SLC24A3: variants seen among roughly 807,000 people sequenced by gnomAD.
SLC24A3 encodes sodium/potassium/calcium exchanger 3.
SLC24A3 carries 28 observed loss-of-function variants against 75.8 expected under a neutral mutation model. That is an observed-to-expected ratio of 0.37 (90% CI 0.27 to 0.51). The LOEUF is 0.51. SLC24A3 is among the 20% of genes least tolerant of loss of function. SLC24A3 has a pLI of 0.94. For missense variants in SLC24A3, 663 were observed against 847.8 expected, an observed-to-expected ratio of 0.78 and a Z score of 2.71; for synonymous variants, 372 against 334.1, an observed-to-expected ratio of 1.11 and a Z score of -1.24.
chr20:19,320,690 G>A (rs975769717), intron 2 of SLC24A3, among the ~76,000 whole-genome samples: 1 of 151,972 alleles, frequency 6.6e-6, no homozygotes, highest in Non-Finnish European at 1.5e-5. Context: ...TCCGAGGGTG[G>A]GTGCCCAAAT....
At chr20:19,502,106 T>A (rs1371578163) in intron 2 of SLC24A3, among the ~76,000 whole-genome samples, 3 of 152,084 alleles carry the variant, frequency 2.0e-5, no homozygotes, top group African/African-American at 7.2e-5. Context: ...GCCATAGCAG[T>A]TAGCTTTTCT....
chr20:19,510,612 G>A (rs769784622), intron 2 of SLC24A3, among the ~76,000 whole-genome samples: 3 of 152,186 alleles, frequency 2.0e-5, no homozygotes, highest in Non-Finnish European at 4.4e-5. Flanking sequence ...TCACATAAAG[G>A]TGTAAGAGTG....
intron 6 of SLC24A3, among the ~76,000 whole-genome samples, chr20:19,587,151 A>G (rs1005709445): frequency 6.6e-6 from 1 of 152,192 alleles, no homozygotes; most frequent in Admixed American, 6.5e-5. Flanking sequence ...TCTGGCTGTT[A>G]TTAGTGTTGT....
intron 3 of SLC24A3, among the ~76,000 whole-genome samples, chr20:19,545,915 T>C (rs958846861): frequency 6.6e-6 from 1 of 151,794 alleles, no homozygotes; most frequent in Non-Finnish European, 1.5e-5. Context: ...ATCCCAGCAC[T>C]TTGGGAGGCC....
At chr20:19,391,692 C>T (rs1213919625) in intron 2 of SLC24A3, among the ~76,000 whole-genome samples, 1 of 152,140 alleles carries the variant, frequency 6.6e-6, no homozygotes, top group African/African-American at 2.4e-5. Context: ...GCTATGCTGC[C>T]AGAGGGAGCA....
At chr20:19,618,142 A>G (rs2031760747) in intron 6 of SLC24A3, among the ~76,000 whole-genome samples, 1 of 152,170 alleles carries the variant, frequency 6.6e-6, no homozygotes, top group African/African-American at 2.4e-5. Context: ...GAAGAAGGTC[A>G]CTAGTGGGGA....
intron 10 of SLC24A3, 142 bp from the exon 11 acceptor site, chr20:19,684,034 T>A: frequency 1.2e-6 from 1 of 854,502 alleles, no homozygotes; most frequent in Non-Finnish European, 1.8e-6. Flanking sequence ...GAAAGAAGAG[T>A]GGATGAGTGG....
intron 2 of SLC24A3, among the ~76,000 whole-genome samples, chr20:19,409,260 G>A (rs1986703378): frequency 6.6e-6 from 1 of 152,188 alleles, no homozygotes; most frequent in South Asian, 2.1e-4. Context: ...AGCAGGAGCA[G>A]AGGCCCTGCA....
intron 2 of SLC24A3, among the ~76,000 whole-genome samples, chr20:19,426,364 C>T (rs566043208): frequency 1.3e-5 from 2 of 152,282 alleles, no homozygotes; most frequent in South Asian, 4.1e-4. Context: ...CCACTATGGG[C>T]GTACACTCAG....
intron 3 of SLC24A3, among the ~76,000 whole-genome samples, chr20:19,567,172 T>C (rs371247759): frequency 2.2e-4 from 34 of 152,318 alleles, no homozygotes; most frequent in African/African-American, 7.5e-4. Flanking sequence ...ATACCCAATA[T>C]ATAGAATAGT....
intron 6 of SLC24A3, among the ~76,000 whole-genome samples, chr20:19,623,684 T>C (rs910967182): frequency 7.2e-5 from 11 of 152,236 alleles, no homozygotes; most frequent in African/African-American, 2.4e-4. Flanking sequence ...GCACAAGTTA[T>C]AGACTATTTT....
At chr20:19,407,791 T>C (rs1568610316) in intron 2 of SLC24A3, among the ~76,000 whole-genome samples, 1 of 152,228 alleles carries the variant, frequency 6.6e-6, no homozygotes, top group Non-Finnish European at 1.5e-5. Context: ...GGTCAGTCTC[T>C]ATCATGGCGT....
chr20:19,570,852 T>C (rs1396178982), intron 3 of SLC24A3, among the ~76,000 whole-genome samples: 2 of 152,164 alleles, frequency 1.3e-5, no homozygotes, highest in Non-Finnish European at 2.9e-5. Context: ...AGGATGTAAT[T>C]TGTTTGCATC....
intron 2 of SLC24A3, among the ~76,000 whole-genome samples, chr20:19,322,344 GCCTTCTTTCCTTCCTTCCTTCCCTT>G (rs1406881484): frequency 1.9e-5 from 2 of 103,024 alleles, no homozygotes; most frequent in African/African-American, 1.2e-4. Context: ...CATGGATTGA[GCCTTCTTTCCTTCCTTCCTTCCCTT>G]CCTTCCTTCC....
At chr20:19,715,177 C>T (rs1200950535) in intron 15 of SLC24A3, among the ~76,000 whole-genome samples, 1 of 152,206 alleles carries the variant, frequency 6.6e-6, no homozygotes, top group South Asian at 2.1e-4. Flanking sequence ...TCAACATTGA[C>T]CAGAACACAG....
Position 19,293,651 on chromosome 20 carries a change from G to A in SLC24A3, c.271+12564G>A, listed in dbSNP as rs779870387. Among the ~76,000 whole-genome samples, 373 of 117,504 alleles carry A rather than the reference G, an allele frequency of 3.2e-3. 1 individual carries two copies. Among genetic ancestry groups the A allele is most frequent in the Non-Finnish European group, 4.8e-3 (291 of 60,906 alleles). 77.1% of individuals were successfully genotyped at this position (117,504 alleles called of 152,430 possible). On this transcript the variant is annotated intron_variant, in intron 2 of 16. Transcript: ENST00000328041. ...AACCTGGGCAACATAACAAAACTTC[G>A]TCTCAAAAAAAAAAAAAAAAAAAAG...
intron 1 of SLC24A3, among the ~76,000 whole-genome samples, chr20:19,274,522 G>A (rs1276507687): frequency 6.6e-6 from 1 of 152,068 alleles, no homozygotes; most frequent in East Asian, 1.9e-4. Context: ...TCTCCTTCTG[G>A]GTTAGGAGAG....
chr20:19,314,141 T>C (rs1205948384), intron 2 of SLC24A3, among the ~76,000 whole-genome samples: 1 of 152,134 alleles, frequency 6.6e-6, no homozygotes, highest in Non-Finnish European at 1.5e-5. Context: ...TCCCCAACTT[T>C]GTCTGTGGTT....
chr20:19,336,481 G>T (rs1985137850), intron 2 of SLC24A3, among the ~76,000 whole-genome samples: 1 of 152,050 alleles, frequency 6.6e-6, no homozygotes, highest in Non-Finnish European at 1.5e-5. Flanking sequence ...CGCCTCCCGG[G>T]TTCAAGCGAT....
Sources: gnomAD v4.1 joint callset for allele counts (sites outside exome capture counted in the v4.1 genomes callset) on GRCh38, gnomAD v4.1.1 for gene constraint, MANE v1.5 for transcripts, NCBI Gene and HGNC (gene_info 2026-07-23, HGNC 2026-07-21) for gene names.